Variants in PTPN1 observed in about 807,000 individuals in gnomAD.
PTPN1 encodes protein tyrosine phosphatase non-receptor type 1, also known as tyrosine-protein phosphatase non-receptor type 1.
Under a neutral mutation model 59.9 loss-of-function variants are expected in PTPN1, and 12 were observed. That is an observed-to-expected ratio of 0.20 (90% confidence interval 0.13 to 0.32). The LOEUF (loss-of-function observed/expected upper bound fraction) is 0.32, where lower values mean the gene tolerates loss of function less well. Among genes scored for constraint, PTPN1 ranks in the 10% least tolerant of loss-of-function variants. The pLI, the probability that PTPN1 is intolerant of heterozygous loss-of-function variation, is 1.00. For missense variants in PTPN1, 356 were observed against 549.2 expected (o/e 0.65, Z 3.52); for synonymous variants, 178 against 203.6 (o/e 0.87, Z 1.07).
chr20:50,534,922 A>G (rs1473992334), intron 1 of PTPN1, among the ~76,000 whole-genome samples: 1 of 129,676 alleles, frequency 7.7e-6, no homozygotes, highest in African/African-American at 2.9e-5. Flanking sequence ...ATAGAGACAG[A>G]GTCTCACTGT....
intron 1 of PTPN1, among the ~76,000 whole-genome samples, chr20:50,513,408 T>C (rs1027298775): frequency 6.6e-6 from 1 of 152,066 alleles, no homozygotes; most frequent in African/African-American, 2.4e-5. Flanking sequence ...GGAGAGAGGG[T>C]TGAGTGAATG....
At chr20:50,535,860 A>G (rs527423047) in intron 1 of PTPN1, among the ~76,000 whole-genome samples, 4 of 152,124 alleles carry the variant, frequency 2.6e-5, no homozygotes, top group African/African-American at 9.6e-5. Context: ...AACCATATGT[A>G]CTGGTCCCCG....
rs773741519 is a variant in PTPN1 at position 50,578,542 on chromosome 20, C to T, written c.615C>T (p.Ser205=). The T allele has an allele frequency of 6.8e-6, 11 of 1,614,122 alleles. No individual in the cohort carries two copies. The highest frequency in any genetic ancestry group is 1.1e-5 in the South Asian group (1 of 91,086). ...AAGTCCGAGAGTCAGGGTCACTCAG[C>T]CCGGAGCACGGGCCCGTTGTGGTGC... The part of the protein sequence containing the change: ...LFKVRESGSL[S]PEHGPVVVHC... The change falls in exon 6 of 10, where the codon AGC becomes AGT. Residue 205 remains serine, a synonymous_variant. Coordinates refer to ENST00000371621, the MANE Select transcript of PTPN1 (RefSeq NM_002827.4).
At chr20:50,538,601 T>C (rs1422695979) in intron 1 of PTPN1, among the ~76,000 whole-genome samples, 1 of 152,260 alleles carries the variant, frequency 6.6e-6, no homozygotes, top group Non-Finnish European at 1.5e-5. Context: ...GTTATATCTT[T>C]GTATTATATA....
chr20:50,510,398 C>A lies in PTPN1; in HGVS notation c.-130C>A. The A allele has an allele frequency of 2.1e-6, 2 of 954,230 alleles. No individual in the cohort carries two copies. Among genetic ancestry groups the A allele is most frequent in the Non-Finnish European group, 3.1e-6 (2 of 647,280 alleles). The allele number at this position is 954,230 out of a possible 1,614,324, so 59.1% of individuals were successfully genotyped here. ...GCCGGTTGACATGAAGAAGCAGCAG[C>A]GGCTAGGGCGGCGGTAGCTGCAGGG... On this transcript the variant is annotated 5_prime_UTR_variant, in exon 1 of 10. Transcript: ENST00000371621.
At position 50,568,797 on chromosome 20, in the gene PTPN1, T is replaced by A. The variant is rs1223831209; in HGVS notation, c.354+319T>A. On this transcript the variant is annotated intron_variant, in intron 4 of 9. Transcript: ENST00000371621. The surrounding 1 kb of genome is among the most constrained non-coding windows in gnomAD (Gnocchi z 5.6). ...CAGTGTGGAGTTGTGTGTGGAGTTA[T>A]GGAGACCTGCTTTTATCTTGAAAAG... 6.6e-6 allele frequency among the ~76,000 whole-genome samples: 1 copy of A among 152,192 alleles called. No homozygotes were observed. The highest frequency in any genetic ancestry group is 6.5e-5 in the Admixed American group (1 of 15,282).
chr20:50,568,557 AATT>A lies in PTPN1; in HGVS notation c.354+83_354+85del. ...GTTACCATTTTCGTCCAGATTTTTA[AATT>A]ATTTTTCTTGCCTTTGTATTTCCTT... is the stretch of plus-strand genomic sequence containing the variant. On this transcript the variant is annotated intron_variant, in intron 4 of 9. Transcript: ENST00000371621. This position sits in a 1 kb window ranked among gnomAD's most constrained non-coding sequence, Gnocchi z 5.6. The A allele has an allele frequency of 1.6e-6, 2 of 1,219,128 alleles. No homozygotes were observed. The highest frequency in any genetic ancestry group is 2.4e-6 in the Non-Finnish European group (2 of 834,260). The allele number at this position is 1,219,128 out of a possible 1,614,324, so 75.5% of individuals were successfully genotyped here.
At chr20:50,569,169 A>G (rs2082794131) in intron 4 of PTPN1, among the ~76,000 whole-genome samples, 1 of 152,112 alleles carries the variant, frequency 6.6e-6, no homozygotes, top group Non-Finnish European at 1.5e-5. Context: ...TCCAAGTCTC[A>G]CCACGGTTCT....
chr20:50,529,886 T>C (rs967513027), intron 1 of PTPN1, among the ~76,000 whole-genome samples: 2 of 152,170 alleles, frequency 1.3e-5, no homozygotes, highest in African/African-American at 4.8e-5. Flanking sequence ...TCATTATCAT[T>C]ATTTTTGAGA....
At chr20:50,572,678 GGGT>G (rs1473824672) in intron 4 of PTPN1, 1 of 152,154 alleles carries the variant, frequency 6.6e-6, no homozygotes, top group Non-Finnish European at 1.5e-5. Flanking sequence ...ACCCCAGCAC[GGGT>G]GGGGTGGAAC....
rs1226371717 is a variant in PTPN1, at chr20:50,510,441, G to C, written c.-87G>C. The C allele has an allele frequency of 1.9e-5, 27 of 1,428,644 alleles. No individual in the cohort carries two copies. The highest frequency in any genetic ancestry group is 2.4e-5 in the Non-Finnish European group (25 of 1,053,782). 88.5% of individuals were successfully genotyped at this position (1,428,644 alleles called of 1,614,324 possible). The stretch of plus-strand genomic sequence containing the variant: ...CTGCAGGGGTCGGGGATTGCAGCGG[G>C]CCTCGGGGCTAAGAGCGCGACGCGG... On this transcript the variant is annotated 5_prime_UTR_variant, in exon 1 of 10. Transcript: ENST00000371621.
chr20:50,576,737 G>T (rs1339071705), intron 5 of PTPN1, among the ~76,000 whole-genome samples: 2 of 151,726 alleles, frequency 1.3e-5, no homozygotes, highest in African/African-American at 4.8e-5. Flanking sequence ...TTAGCCGGGC[G>T]TGGTGGCGGG....
intron 2 of PTPN1, among the ~76,000 whole-genome samples, chr20:50,562,719 A>T (rs776572398): frequency 6.6e-6 from 1 of 152,212 alleles, no homozygotes; most frequent in South Asian, 2.1e-4. Flanking sequence ...GAGGCACCTC[A>T]TTGATATTTG....
At chr20:50,530,163 T>G (rs1307166401) in intron 1 of PTPN1, among the ~76,000 whole-genome samples, 1 of 150,290 alleles carries the variant, frequency 6.7e-6, no homozygotes, top group Non-Finnish European at 1.5e-5. Context: ...CCTTAGCCAC[T>G]GTGCCTGGCT....
intron 1 of PTPN1, among the ~76,000 whole-genome samples, chr20:50,517,662 A>G (rs577311966): frequency 2.0e-5 from 3 of 152,354 alleles, no homozygotes; most frequent in Admixed American, 2.0e-4. Flanking sequence ...TGGTAATTAG[A>G]TAGAATTAGT....
chr20:50,553,560 A>G (rs530960910), intron 1 of PTPN1, among the ~76,000 whole-genome samples: 1 of 152,322 alleles, frequency 6.6e-6, no homozygotes, highest in Admixed American at 6.5e-5. Context: ...ACGGAGAGAG[A>G]CAGACCTCTG....
chr20:50,561,527 C>T (rs1000707824), intron 2 of PTPN1, 74 bp downstream of exon 2: 11 of 923,062 alleles, frequency 1.2e-5, no homozygotes, highest in Non-Finnish European at 1.8e-5. Flanking sequence ...ACTCCTTTCG[C>T]CTCAGGGTTT....
intron 3 of PTPN1, among the ~76,000 whole-genome samples, chr20:50,566,937 G>T (rs2082782007): frequency 1.3e-5 from 2 of 152,200 alleles, no homozygotes; most frequent in South Asian, 4.1e-4. Flanking sequence ...GCTGCCAAGA[G>T]CTGTTTATCT....
intron 1 of PTPN1, among the ~76,000 whole-genome samples, chr20:50,517,597 G>A (rs1414193662): frequency 6.6e-6 from 1 of 152,054 alleles, no homozygotes; most frequent in Non-Finnish European, 1.5e-5. Flanking sequence ...GACATCGTTC[G>A]ATTTACTGAG....
Sources: gnomAD v4.1 joint callset for allele counts (sites outside exome capture counted in the v4.1 genomes callset) on GRCh38, gnomAD v4.1.1 for gene constraint, Gnocchi (gnomAD v3.1) non-coding constraint, MANE v1.5 for transcripts, NCBI Gene and HGNC (gene_info 2026-07-23, HGNC 2026-07-21) for gene names.